Variants in MROH2A observed in about 807,000 individuals in gnomAD.
The protein encoded by MROH2A is maestro heat like repeat family member 2A.
In MROH2A, 174 loss-of-function variants were observed where a neutral mutation model predicts 200.4. The observed-to-expected ratio is 0.87, with a 90% confidence interval of 0.77 to 0.98. The LOEUF is 0.98. MROH2A is among the 50% of genes least tolerant of loss of function. The pLI, the probability that MROH2A is intolerant of heterozygous loss-of-function variation, is 0.00. For synonymous variants in MROH2A, 829 were observed against 840.4 expected, an observed-to-expected ratio of 0.99 and a Z score of 0.23; for missense variants, 2,045 against 2,139.6, an observed-to-expected ratio of 0.96 and a Z score of 0.87.
At chr2:233,787,428 C>T (rs934447760) in intron 3 of MROH2A, among the ~76,000 whole-genome samples, 6 of 130,604 alleles carry the variant, frequency 4.6e-5, no homozygotes, top group African/African-American at 1.4e-4. Context: ...CACACACACA[C>T]ACATATGTAT....
In MROH2A at chr2:233,807,620, T is replaced by C. The variant is rs1702883926; in HGVS notation, c.2172+78T>C. 6.5e-7 allele frequency: 1 copy of C among 1,541,668 alleles called. No homozygotes were observed. Among genetic ancestry groups the C allele is most frequent in the African/African-American group, 1.4e-5 (1 of 72,282 alleles). ...GGACATGTGTGTTCATGTGGCTGCA[T>C]GCGTTTTGTGTGTGTGTGTGTACAT... On this transcript the variant is annotated intron_variant, in intron 20 of 41. Coordinates refer to ENST00000389758, the MANE Select transcript of MROH2A (RefSeq NM_001394639.1). This position sits in a 1 kb window ranked among gnomAD's most constrained non-coding sequence, Gnocchi z 4.3.
chr2:233,832,482 A>G, intron 40 of MROH2A, 97 bp from the exon 41 acceptor site: 1 of 1,094,632 alleles, frequency 9.1e-7, no homozygotes, highest in Non-Finnish European at 1.4e-6. Context: ...AAAATCTTTC[A>G]TCAATGCTCT....
chr2:233,779,735 A>G lies in MROH2A; in HGVS notation c.159A>G (p.Thr53=), dbSNP rs2126076641. The part of the protein sequence containing the change: ...IIDSESAKTD[T]TGAGLDMRKT... ...ACAGCGAGTCAGCAAAGACGGACAC[A>G]ACAGGGGCAGGCCTTGACATGCGGA... The change falls in exon 3 of 42, where the codon ACA becomes ACG. Residue 53 remains threonine (T), a synonymous_variant. Transcript: ENST00000389758. The G allele has an allele frequency of 6.4e-7, 1 of 1,551,160 alleles. No homozygotes were observed. Among genetic ancestry groups the G allele is most frequent in the Non-Finnish European group, 8.7e-7 (1 of 1,147,116 alleles).
intron 1 of MROH2A, 28 bp from the exon 2 acceptor site, chr2:233,779,317 A>C (rs17868344): frequency 0.014 from 19,477 of 1,428,684 alleles, 220 homozygotes; most frequent in African/African-American, 0.049. Flanking sequence ...CACACCCCGT[A>C]TTTTACAAAT....
chr2:233,780,551 A>G (rs1045299594), intron 3 of MROH2A, among the ~76,000 whole-genome samples: 1 of 152,056 alleles, frequency 6.6e-6, no homozygotes. Context: ...AAGTTTTATT[A>G]TTTTTGTTGG....
intron 14 of MROH2A, 49 bp from the exon 15 acceptor site, chr2:233,802,119 C>T: frequency 4.6e-6 from 7 of 1,513,114 alleles, no homozygotes; most frequent in Non-Finnish European, 6.2e-6. Flanking sequence ...CTTAGAAGCC[C>T]AGGGCTTGGG....
At position 233,810,932 on chromosome 2, in the gene MROH2A, C is replaced by T; in HGVS notation, c.2571+16C>T. On this transcript the variant is annotated intron_variant, in intron 23 of 41. Coordinates refer to ENST00000389758, the MANE Select transcript of MROH2A (RefSeq NM_001394639.1). ...CATTATAGTGGTAAGCTGGGTGGGGCACCTCCTTGGTCCTGTTCCTGGTTT... is the reference window on the plus strand; with the variant it reads ...CATTATAGTGGTAAGCTGGGTGGGGTACCTCCTTGGTCCTGTTCCTGGTTT... 1.9e-6 allele frequency: 3 copies of T among 1,548,980 alleles called. No homozygotes were observed. Among genetic ancestry groups the T allele is most frequent in the Middle Eastern group, 1.7e-4 (1 of 5,964 alleles).
intron 6 of MROH2A, 78 bp downstream of exon 6, chr2:233,792,972 AGGGGTTGTTG>A: frequency 1.4e-6 from 2 of 1,390,982 alleles, no homozygotes; most frequent in Admixed American, 2.0e-5. Context: ...GAGCAGATGG[AGGGGTTGTTG>A]AAAAAGAGGT....
At chr2:233,797,574 G>A (rs1442210291) in intron 11 of MROH2A, among the ~76,000 whole-genome samples, 1 of 152,218 alleles carries the variant, frequency 6.6e-6, no homozygotes, top group African/African-American at 2.4e-5. Flanking sequence ...CATGACCTTA[G>A]TGATGTGGAA....
intron 38 of MROH2A, 99 bp from the exon 39 acceptor site, chr2:233,831,310 G>A: frequency 7.1e-7 from 1 of 1,404,236 alleles, no homozygotes; most frequent in Non-Finnish European, 9.3e-7. Context: ...GCTTGGTGAG[G>A]CTTTTCTGGG....
chr2:233,800,779 G>GA (rs2126126522), intron 14 of MROH2A, among the ~76,000 whole-genome samples: 1 of 152,212 alleles, frequency 6.6e-6, no homozygotes, highest in South Asian at 2.1e-4. Flanking sequence ...GGAAGGAGTG[G>GA]AAGGAGTTCA....
At chr2:233,814,156 G>A (rs1036970212) in intron 25 of MROH2A, among the ~76,000 whole-genome samples, 3 of 152,202 alleles carry the variant, frequency 2.0e-5, no homozygotes, top group African/African-American at 7.2e-5. Context: ...AGAAGAAAGA[G>A]AAAGTCTAGG....
rs1020785665 is a variant in MROH2A at position 233,819,535 on chromosome 2, G to A, written c.3357+66G>A. On this transcript the variant is annotated intron_variant, in intron 30 of 41. Coordinates refer to ENST00000389758, the MANE Select transcript of MROH2A (RefSeq NM_001394639.1). Reference sequence around the variant, plus strand: ...GGCTGCCTGGTGTGCCCAGATGAGAGGGAAGGACGAGGGCCTCACCAGCAC... The same window carrying A: ...GGCTGCCTGGTGTGCCCAGATGAGAAGGAAGGACGAGGGCCTCACCAGCAC... 46 of 1,488,442 alleles carry A rather than the reference G, an allele frequency of 3.1e-5. No homozygotes were observed. The African/African-American group carries it at 5.8e-4, about 19-fold the overall frequency. 92.2% of individuals were successfully genotyped at this position (1,488,442 alleles called of 1,614,324 possible). A position where few individuals can be genotyped will look rare whatever the true frequency, so the allele number is the denominator to read the frequency against.
At position 233,793,565 on chromosome 2, in the gene MROH2A, C is replaced by T. The variant is rs535488245; in HGVS notation, c.671-108C>T. 1.3e-3 allele frequency: 1,442 copies of T among 1,100,726 alleles called. 1 individual carries two copies. Among genetic ancestry groups the T allele is most frequent in the Non-Finnish European group, 1.6e-3 (1,318 of 835,148 alleles). The allele number at this position is 1,100,726 out of a possible 1,614,324, so 68.2% of individuals were successfully genotyped here. On this transcript the variant is annotated intron_variant, in intron 6 of 41. Transcript: ENST00000389758. ...TTGGAAGGGCAGGGTGCAGCCTGCTCGCTACGGCAAGGCATGAGCACTTCC... is the reference window on the plus strand; with the variant it reads ...TTGGAAGGGCAGGGTGCAGCCTGCTTGCTACGGCAAGGCATGAGCACTTCC...
In MROH2A at chr2:233,814,589, A is replaced by G. The variant is rs943577898; in HGVS notation, c.2768A>G (p.Tyr923Cys). 1.3e-6 allele frequency: 2 copies of G among 1,550,016 alleles called. No homozygotes were observed. The highest frequency in any genetic ancestry group is 1.7e-6 in the Non-Finnish European group (2 of 1,146,750). Residue 923 changes from tyrosine (Y) to cysteine (C), a missense_variant, in exon 26 of 42, where the codon TAT (tyrosine) becomes TGT (cysteine). By Grantham distance (194) the Tyr-to-Cys change is radical. Around this residue, in one of 3 missense-constraint regions of MROH2A, gnomAD observed 1,201 missense variants for 1,311.3 expected, o/e 0.92. Coordinates refer to ENST00000389758, the MANE Select transcript of MROH2A (RefSeq NM_001394639.1). The part of the protein sequence containing the change: ...GEDNESIKTL[Y>C]ANALSSLEQL... The stretch of plus-strand genomic sequence containing the variant: ...TCTCCCTCTTGGCTGTAGACCCTGT[A>G]TGCAAATGCCCTGAGCTCCCTGGAG...
chr2:233,833,346 GAA>G lies in MROH2A; in HGVS notation c.*91_*92del. 1 of 1,342,202 alleles carries G rather than the reference GAA, an allele frequency of 7.5e-7. No homozygotes were observed. Among genetic ancestry groups the G allele is most frequent in the South Asian group, 1.6e-5 (1 of 61,178 alleles). The allele number at this position is 1,342,202 out of a possible 1,614,324, so 83.1% of individuals were successfully genotyped here. ...AGTTTGTAAGAAGTTTAGTTTGTAGGAAAAACACTATTGTAAAATAACTAGTA... is the reference window on the plus strand; with the variant it reads ...AGTTTGTAAGAAGTTTAGTTTGTAGGAAACACTATTGTAAAATAACTAGTA... On this transcript the variant is annotated 3_prime_UTR_variant, in exon 42 of 42. Coordinates refer to ENST00000389758, the MANE Select transcript of MROH2A (RefSeq NM_001394639.1).
Position 233,793,730 on chromosome 2 carries a change from T to A in MROH2A, c.728T>A (p.Val243Glu), listed in dbSNP as rs1423877202. The A allele has an allele frequency of 6.7e-7, 1 of 1,493,794 alleles. No homozygotes were observed. Among genetic ancestry groups the A allele is most frequent in the African/African-American group, 1.4e-5 (1 of 70,226 alleles). The allele number at this position is 1,493,794 out of a possible 1,614,324, so 92.5% of individuals were successfully genotyped here. A position where few individuals can be genotyped will look rare whatever the true frequency, so the allele number is the denominator to read the frequency against. ...TATCTGAAGCACCTGGAGGAGAGCG[T>A]GTACCCCGTGATGACTGAGGAGGAG... ...QFYLKHLEES[V>E]YPVMTEEEFA... is the part of the protein sequence containing the mutation. Residue 243 changes from valine (V) to glutamate (E), a missense_variant, in exon 7 of 42, where the codon GTG becomes GAG. By Grantham distance (121) the Val-to-Glu change is moderately radical. Coordinates refer to ENST00000389758, the MANE Select transcript of MROH2A (RefSeq NM_001394639.1).
Position 233,792,779 on chromosome 2 carries a change from C to T in MROH2A, c.572-17C>T, listed in dbSNP as rs764924746. On this transcript the variant is annotated splice_polypyrimidine_tract_variant and intron_variant, in intron 5 of 41. Transcript: ENST00000389758. Reference sequence around the variant, plus strand: ...CCCAGCCCCAACTTCCTGTAATCATCCCTCACAACCTCACAGTGTTTGAGT... The same window carrying T: ...CCCAGCCCCAACTTCCTGTAATCATTCCTCACAACCTCACAGTGTTTGAGT... The T allele has an allele frequency of 5.3e-5, 79 of 1,478,642 alleles. No homozygotes were observed. The highest frequency in any genetic ancestry group is 6.9e-5 in the Non-Finnish European group (75 of 1,082,088). 91.6% of individuals were successfully genotyped at this position (1,478,642 alleles called of 1,614,324 possible).
Position 233,798,754 on chromosome 2 carries a change from A to G in MROH2A, c.1253-20A>G, listed in dbSNP as rs1575943110. On this transcript the variant is annotated intron_variant, in intron 11 of 41. Coordinates refer to ENST00000389758, the MANE Select transcript of MROH2A (RefSeq NM_001394639.1). Reference sequence around the variant, plus strand: ...TCCCTGAGCCACAGCCCTCCAGCCCACCCAGTTTTCCTCTTTCAGAGCCCA... The same window carrying G: ...TCCCTGAGCCACAGCCCTCCAGCCCGCCCAGTTTTCCTCTTTCAGAGCCCA... 6.5e-7 allele frequency: 1 copy of G among 1,546,260 alleles called. No individual in the cohort carries two copies. Among genetic ancestry groups the G allele is most frequent in the South Asian group, 1.2e-5 (1 of 83,976 alleles).
Sources: allele counts gnomAD v4.1 joint callset (sites outside exome capture counted in the v4.1 genomes callset), GRCh38; gene constraint gnomAD v4.1.1; regional missense constraint gnomAD v4.1.1; non-coding constraint Gnocchi (gnomAD v3.1); transcripts MANE v1.5; gene names NCBI Gene and HGNC (gene_info 2026-07-23, HGNC 2026-07-21).